ADI1: variants seen among roughly 807,000 people sequenced by gnomAD.
ADI1 encodes acireductone dioxygenase.
In ADI1, 21 loss-of-function variants were observed where a neutral mutation model predicts 18.7. The observed-to-expected ratio is 1.13, with a 90% CI of 0.80 to 1.62. The LOEUF is 1.62. ADI1 is among the 40% of genes most tolerant of loss of function. ADI1 has a pLI of 0.00. For missense variants in ADI1, 245 were observed against 254.9 expected (o/e 0.96, Z 0.26); for synonymous variants, 90 against 100.1 (o/e 0.90, Z 0.60).
intron 2 of ADI1, among the ~76,000 whole-genome samples, chr2:3,503,684 C>T (rs902391008): frequency 6.6e-6 from 1 of 152,204 alleles, no homozygotes; most frequent in African/African-American, 2.4e-5. Flanking sequence ...TGACCCCGCA[C>T]AAGGTCAGGA....
chr2:3,516,017 T>C, intron 1 of ADI1: 1 of 984,712 alleles, frequency 1.0e-6, no homozygotes, highest in Non-Finnish European at 1.2e-6. Context: ...TCTGAATGTG[T>C]CCATATTATG....
At chr2:3,500,502 G>GA in intron 3 of ADI1, 1 of 283,600 alleles carries the variant, frequency 3.5e-6, no homozygotes, top group Non-Finnish European at 5.8e-6. Context: ...GGCTGGGGCA[G>GA]GGCCAGGCTC....
At chr2:3,519,253 G>T (rs1198924736) in intron 1 of ADI1, 115 bp downstream of exon 1, 6 of 1,287,770 alleles carry the variant, frequency 4.7e-6, no homozygotes, top group Non-Finnish European at 5.9e-6. Flanking sequence ...TGCTGAGCAT[G>T]CGCAGCATGC....
intron 1 of ADI1, chr2:3,516,663 G>C (rs1335291757): frequency 6.7e-6 from 6 of 890,952 alleles, no homozygotes; most frequent in Admixed American, 6.2e-5. Flanking sequence ...ATAAATTGCT[G>C]TTGTTTATAA....
intron 1 of ADI1, chr2:3,516,033 T>C: frequency 3.0e-6 from 3 of 983,758 alleles, no homozygotes; most frequent in Non-Finnish European, 3.6e-6. Flanking sequence ...TTATGACACA[T>C]AATATGTAAT....
Position 3,505,836 on chromosome 2 carries a change from T to C in ADI1, c.241-4843A>G, listed in dbSNP as rs116300301. Among the ~76,000 whole-genome samples, 1,102 of 152,262 alleles carry C rather than the reference T, an allele frequency of 7.2e-3. 16 individuals are homozygous for C. The highest frequency in any genetic ancestry group is 0.023 in the African/African-American group (956 of 41,552). Reference sequence around the variant, plus strand: ...AGATAACGTGATGAGGGTGGAGCCCTCATGAATGGGATTAGTGTCCTTATA... The same window carrying C: ...AGATAACGTGATGAGGGTGGAGCCCCCATGAATGGGATTAGTGTCCTTATA... On this transcript the variant is annotated intron_variant, in intron 2 of 3. Coordinates refer to ENST00000327435, the MANE Select transcript of ADI1 (RefSeq NM_018269.4).
intron 2 of ADI1, among the ~76,000 whole-genome samples, chr2:3,510,885 C>A (rs1667282379): frequency 1.3e-5 from 2 of 152,338 alleles, no homozygotes; most frequent in South Asian, 4.1e-4. Flanking sequence ...TACACATACT[C>A]TTCCAAGAAA....
rs1267419888 is a variant in ADI1, at chr2:3,519,421, C to G, written c.67G>C (p.Gly23Arg). 2.2e-6 allele frequency: 3 copies of G among 1,380,312 alleles called. No homozygotes were observed. Among genetic ancestry groups the G allele is most frequent in the Admixed American group, 3.7e-5 (1 of 26,734 alleles). The allele number at this position is 1,380,312 out of a possible 1,614,324, so 85.5% of individuals were successfully genotyped here. A position where few individuals can be genotyped will look rare whatever the true frequency, so the allele number is the denominator to read the frequency against. ...DPRQPHRPDP[G>R]RPVGLEQLRR... ...AGCTGCTCCAGGCCCACTGGGCGGC[C>G]GGGGTCGGGGCGGTGGGGTTGCCGC... is the stretch of plus-strand genomic sequence containing the variant. Residue 23 changes from glycine to arginine, a missense_variant, in exon 1 of 4, where the codon GGC (glycine) becomes CGC (arginine). Transcript: ENST00000327435.
At chr2:3,512,249 TG>T (rs1405051108) in intron 2 of ADI1, among the ~76,000 whole-genome samples, 2 of 151,956 alleles carry the variant, frequency 1.3e-5, no homozygotes, top group African/African-American at 2.4e-5. Context: ...GCCAAGACAA[TG>T]GGGAAAAAAC....
intron 2 of ADI1, among the ~76,000 whole-genome samples, chr2:3,502,486 CTT>C: frequency 7.4e-6 from 1 of 135,710 alleles, no homozygotes; most frequent in South Asian, 2.4e-4. Flanking sequence ...GAATTTCACT[CTT>C]GTTGCCCAGG....
In ADI1 at chr2:3,499,817, A is replaced by G. The variant is rs1666951746; in HGVS notation, c.421-735T>C. Reference sequence around the variant, plus strand: ...TCATGTAGAAAAAAGTAAAATGTAGAACCATGGGAGGCCAAGGTGGGTGGA... The same window carrying G: ...TCATGTAGAAAAAAGTAAAATGTAGGACCATGGGAGGCCAAGGTGGGTGGA... On this transcript the variant is annotated intron_variant, in intron 3 of 3. Coordinates refer to ENST00000327435, the MANE Select transcript of ADI1 (RefSeq NM_018269.4). Among the ~76,000 whole-genome samples the G allele has an allele frequency of 2.0e-5, 3 of 152,068 alleles. No individual in the cohort carries two copies. In the South Asian group the frequency reaches 6.2e-4, roughly 32 times the overall value.
chr2:3,505,676 G>A (rs1475350619), intron 2 of ADI1, among the ~76,000 whole-genome samples: 8 of 152,152 alleles, frequency 5.3e-5, no homozygotes, highest in Admixed American at 5.2e-4. Flanking sequence ...AGGGAAACAC[G>A]AAACTCCAGC....
Position 3,513,717 on chromosome 2 carries a change from T to G in ADI1, c.240+140A>C, listed in dbSNP as rs1667339842. 9.9e-6 allele frequency: 9 copies of G among 908,256 alleles called. No individual in the cohort carries two copies. In the South Asian group the frequency reaches 2.3e-4, roughly 23 times the overall value. The allele number at this position is 908,256 out of a possible 1,614,324, so 56.3% of individuals were successfully genotyped here. On this transcript the variant is annotated intron_variant, in intron 2 of 3. Transcript: ENST00000327435. ...CAATTAAATCTCTTTTCTTATAAAT[T>G]ACACAGTTTCAGGTATTTATTTATA... is the stretch of plus-strand genomic sequence containing the variant.
At chr2:3,515,884 G>A in intron 1 of ADI1, 1 of 983,930 alleles carries the variant, frequency 1.0e-6, no homozygotes, top group Non-Finnish European at 1.2e-6. Flanking sequence ...AATATTGGGG[G>A]TGGGTTCCCC....
chr2:3,519,159 G>GAGGCCCTGACCACCCAGC, intron 1 of ADI1: 1 of 598,958 alleles, frequency 1.7e-6, no homozygotes. Context: ...CGCCGCGCAG[G>GAGGCCCTGACCACCCAGC]AGGCCCTGAC....
intron 2 of ADI1, among the ~76,000 whole-genome samples, chr2:3,503,812 A>G (rs1401311220): frequency 6.6e-6 from 1 of 152,206 alleles, no homozygotes; most frequent in African/African-American, 2.4e-5. Context: ...GTCTGGGACA[A>G]CGTGAAGATC....
In ADI1 at chr2:3,519,456, G is replaced by A; in HGVS notation, c.32C>T (p.Pro11Leu). 4 of 1,355,006 alleles carry A rather than the reference G, an allele frequency of 3.0e-6. No individual in the cohort carries two copies. The highest frequency in any genetic ancestry group is 3.8e-6 in the Non-Finnish European group (4 of 1,058,300). The allele number at this position is 1,355,006 out of a possible 1,614,324, so 83.9% of individuals were successfully genotyped here. A position where few individuals can be genotyped will look rare whatever the true frequency, so the allele number is the denominator to read the frequency against. MVQAWYMDDA[P>L]GDPRQPHRPD... The stretch of plus-strand genomic sequence containing the variant: ...GCGGTGGGGTTGCCGCGGGTCGCCC[G>A]GGGCGTCGTCCATATACCAGGCCTG... Residue 11 changes from proline (P) to leucine (L), a missense_variant, in exon 1 of 4, where the codon CCG becomes CTG. Pro to Leu is a moderately conservative substitution (Grantham distance 98). Coordinates refer to ENST00000327435, the MANE Select transcript of ADI1 (RefSeq NM_018269.4).
chr2:3,516,137 A>G, intron 1 of ADI1: 1 of 822,164 alleles, frequency 1.2e-6, no homozygotes. Context: ...GACCTTTAGG[A>G]TGTGATTAAG....
intron 2 of ADI1, among the ~76,000 whole-genome samples, chr2:3,508,333 T>TC (rs1400327837): frequency 6.5e-4 from 13 of 20,000 alleles, no homozygotes; most frequent in African/African-American, 2.3e-3. Flanking sequence ...AGACTCTGTC[T>TC]CAAAAAAAAA....
Sources: allele counts gnomAD v4.1 joint callset (sites outside exome capture counted in the v4.1 genomes callset), GRCh38; gene constraint gnomAD v4.1.1; transcripts MANE v1.5; gene names NCBI Gene and HGNC (gene_info 2026-07-23, HGNC 2026-07-21).